COX16: variants seen among roughly 807,000 people sequenced by gnomAD.
The protein encoded by COX16 is cytochrome c oxidase assembly protein COX16 homolog, mitochondrial.
A neutral mutation model predicts 15.4 loss-of-function variants in COX16; 12 were observed. The ratio of observed to expected loss-of-function variants is 0.78; its 90% CI spans 0.50 to 1.26. The LOEUF (loss-of-function observed/expected upper bound fraction) is 1.26. Ranked by LOEUF, COX16 falls within the 50% of genes most tolerant of loss-of-function variation. The pLI, the probability that COX16 is intolerant of heterozygous loss-of-function variation, is 0.00. For synonymous variants in COX16, 46 were observed against 41.1 expected (o/e 1.12, Z -0.46); for missense variants, 124 against 127.6 (o/e 0.97, Z 0.14).
At chr14:70,344,019 T>C (rs1429903941) in intron 1 of COX16, among the ~76,000 whole-genome samples, 1 of 152,140 alleles carries the variant, frequency 6.6e-6, no homozygotes, top group East Asian at 1.9e-4. Context: ...GTTGGACTCA[T>C]AGGGGGCAAA....
intron 2 of COX16, among the ~76,000 whole-genome samples, chr14:70,334,288 C>T (rs375114027): frequency 3.9e-5 from 6 of 152,122 alleles, no homozygotes; most frequent in African/African-American, 1.2e-4. Context: ...CCTGGGAGGC[C>T]GAGGTGGATG....
intron 1 of COX16, among the ~76,000 whole-genome samples, chr14:70,347,649 ATC>A (rs1327266543): frequency 5.3e-5 from 8 of 151,962 alleles, no homozygotes; most frequent in Non-Finnish European, 4.4e-5. Flanking sequence ...CGCCCATGCT[ATC>A]TCTCTCTTTT....
chr14:70,332,669 T>C (rs1371435557), intron 2 of COX16, among the ~76,000 whole-genome samples: 1 of 152,080 alleles, frequency 6.6e-6, no homozygotes, highest in East Asian at 1.9e-4. Context: ...CCTGTGGAAG[T>C]TGAGGAACTA....
At chr14:70,332,622 T>A (rs772325255) in intron 2 of COX16, among the ~76,000 whole-genome samples, 31 of 152,208 alleles carry the variant, frequency 2.0e-4, no homozygotes, top group Admixed American at 8.5e-4. Flanking sequence ...TCTTCTACAG[T>A]AGATCCCGAG....
intron 1 of COX16, among the ~76,000 whole-genome samples, chr14:70,355,818 G>T (rs1887107157): frequency 6.6e-6 from 1 of 152,194 alleles, no homozygotes; most frequent in South Asian, 2.1e-4. Flanking sequence ...CTAGTGGGAG[G>T]TGTTTGGGTC....
chr14:70,327,078 C>G (rs1886103721), intron 3 of COX16, among the ~76,000 whole-genome samples: 1 of 152,166 alleles, frequency 6.6e-6, no homozygotes, highest in African/African-American at 2.4e-5. Context: ...CTTCACCTTT[C>G]TCCTACTGAC....
rs142503049 is a variant in COX16 at position 70,327,995 on chromosome 14, T to G, written c.204+1179A>C. On this transcript the variant is annotated intron_variant, in intron 3 of 3. Transcript: ENST00000389912. Reference sequence around the variant, plus strand: ...AGAGTGGAGACCTTTCTTTTAACATTTTGTTGCTACCCTGACATCCACCTA... The same window carrying G: ...AGAGTGGAGACCTTTCTTTTAACATGTTGTTGCTACCCTGACATCCACCTA... 5.5e-3 allele frequency among the ~76,000 whole-genome samples: 843 copies of G among 152,104 alleles called. 8 individuals are homozygous for G. Among genetic ancestry groups the G allele is most frequent in the African/African-American group, 0.019 (781 of 41,514 alleles).
intron 1 of COX16, among the ~76,000 whole-genome samples, chr14:70,354,158 CAAT>C (rs960599288): frequency 6.0e-5 from 9 of 151,104 alleles, no homozygotes; most frequent in Admixed American, 6.6e-5. Flanking sequence ...AAAAAAACAA[CAAT>C]AATAATAATA....
At chr14:70,329,372 C>T in intron 2 of COX16, 136 bp from the exon 3 acceptor site, 1 of 623,548 alleles carries the variant, frequency 1.6e-6, no homozygotes, top group East Asian at 3.3e-5. Flanking sequence ...ACCATCTACT[C>T]TGATCACATA....
At chr14:70,349,342 C>T (rs1470469773) in intron 1 of COX16, among the ~76,000 whole-genome samples, 2 of 152,226 alleles carry the variant, frequency 1.3e-5, no homozygotes, top group Non-Finnish European at 2.9e-5. Flanking sequence ...GCTCCGCTAT[C>T]TTCTAGTCTT....
chr14:70,336,127 G>A (rs1886446990), intron 2 of COX16, among the ~76,000 whole-genome samples: 1 of 152,068 alleles, frequency 6.6e-6, no homozygotes, highest in African/African-American at 2.4e-5. Context: ...GTGGTAGCAT[G>A]CACCTGTAGT....
Position 70,325,288 on chromosome 14 carries a change from C to T in COX16, c.*1045G>A, listed in dbSNP as rs143127283. 2.0e-5 allele frequency: 3 copies of T among 152,254 alleles called. No homozygotes were observed. The highest frequency in any genetic ancestry group is 7.2e-5 in the African/African-American group (3 of 41,544). The allele number at this position is 152,254 out of a possible 1,614,324, so 9.4% of individuals were successfully genotyped here. A position where few individuals can be genotyped will look rare whatever the true frequency, so the allele number is the denominator to read the frequency against. The stretch of plus-strand genomic sequence containing the variant: ...TAAAAAGGAGAAAATGAGTTCAAAA[C>T]AACTAACTTTCGGCCAGGCGTGGTG... On this transcript the variant is annotated 3_prime_UTR_variant, in exon 4 of 4. Coordinates refer to ENST00000389912, the MANE Select transcript of COX16 (RefSeq NM_016468.7).
intron 1 of COX16, among the ~76,000 whole-genome samples, chr14:70,350,976 A>T (rs2140743744): frequency 6.6e-6 from 1 of 152,390 alleles, no homozygotes; most frequent in African/African-American, 2.4e-5. Context: ...GAATTTACAC[A>T]ACTCAGAAAA....
At chr14:70,343,387 C>T (rs1194878871) in intron 1 of COX16, among the ~76,000 whole-genome samples, 2 of 152,286 alleles carry the variant, frequency 1.3e-5, no homozygotes, top group African/African-American at 4.8e-5. Flanking sequence ...AACTCTATAA[C>T]ATTATTGTTT....
At chr14:70,336,572 A>C (rs933140623) in intron 2 of COX16, among the ~76,000 whole-genome samples, 2 of 152,236 alleles carry the variant, frequency 1.3e-5, no homozygotes, top group African/African-American at 4.8e-5. Flanking sequence ...AAAAGGGATA[A>C]AACACAAACC....
chr14:70,359,131 T>G lies in COX16; in HGVS notation c.69+388A>C, dbSNP rs559205551. On this transcript the variant is annotated intron_variant, in intron 1 of 3. Transcript: ENST00000389912. Reference sequence around the variant, plus strand: ...ACAGTATCGTCAAAACATAGCTAAGTTGGGGGCGAGGAAGCAAGCTTAGTA... The same window carrying G: ...ACAGTATCGTCAAAACATAGCTAAGGTGGGGGCGAGGAAGCAAGCTTAGTA... 5 of 457,724 alleles carry G rather than the reference T, an allele frequency of 1.1e-5. No homozygotes were observed. The East Asian group carries it at 3.4e-4, about 31-fold the overall frequency. The allele number at this position is 457,724 out of a possible 1,614,324, so 28.4% of individuals were successfully genotyped here. A position where few individuals can be genotyped will look rare whatever the true frequency, so the allele number is the denominator to read the frequency against.
In COX16 at chr14:70,325,589, C is replaced by T. The variant is rs1048713323; in HGVS notation, c.*744G>A. ...AGCGAGACTATGTCTCAAAACAAAA[C>T]AAAAACACTAGAGGGCAATTTTGCA... On this transcript the variant is annotated 3_prime_UTR_variant, in exon 4 of 4. Coordinates refer to ENST00000389912, the MANE Select transcript of COX16 (RefSeq NM_016468.7). 6.6e-6 allele frequency: 1 copy of T among 152,116 alleles called. No homozygotes were observed. Among genetic ancestry groups the T allele is most frequent in the Admixed American group, 6.5e-5 (1 of 15,280 alleles). 9.4% of individuals were successfully genotyped at this position (152,116 alleles called of 1,614,324 possible).
At chr14:70,348,140 G>A (rs1277329938) in intron 1 of COX16, among the ~76,000 whole-genome samples, 1 of 152,174 alleles carries the variant, frequency 6.6e-6, no homozygotes, top group African/African-American at 2.4e-5. Context: ...TGAAGCCACA[G>A]TTCTCAGATG....
At chr14:70,333,308 A>G (rs1240833005) in intron 2 of COX16, among the ~76,000 whole-genome samples, 2 of 152,234 alleles carry the variant, frequency 1.3e-5, no homozygotes. Context: ...GGCTGTTTCA[A>G]GGAAGTTAAA....
Sources: gnomAD v4.1 joint callset for allele counts (sites outside exome capture counted in the v4.1 genomes callset) on GRCh38, gnomAD v4.1.1 for gene constraint, MANE v1.5 for transcripts, NCBI Gene and HGNC (gene_info 2026-07-23, HGNC 2026-07-21) for gene names.